The following CD2AP variants were observed in gnomAD, a reference collection of about 807,000 sequenced individuals.
The protein encoded by CD2AP is CD2 associated protein.
CD2AP carries 46 observed loss-of-function variants against 85.1 expected under a neutral mutation model. That is an observed-to-expected ratio of 0.54 (90% CI 0.43 to 0.69). CD2AP has a LOEUF of 0.69. Among genes scored for constraint, CD2AP ranks in the 30% least tolerant of loss-of-function variants. The pLI is 0.00. For missense variants in CD2AP, 769 were observed against 729.5 expected (o/e 1.05, Z -0.62); for synonymous variants, 255 against 252.9 (o/e 1.01, Z -0.08).
At chr6:47,585,800 A>C (rs1180867176) in intron 11 of CD2AP, among the ~76,000 whole-genome samples, 1 of 152,230 alleles carries the variant, frequency 6.6e-6, no homozygotes, top group African/African-American at 2.4e-5. Flanking sequence ...GTAACTCACA[A>C]ACAGTTCATT....
Position 47,592,803 on chromosome 6 carries a change from A to G in CD2AP, c.1109-3058A>G, listed in dbSNP as rs967238185. Reference sequence around the variant, plus strand: ...ACGGAAACTCTGCATCTCTTCCTGCATACCTTGCCTTTTGCATGTGTTCCA... The same window carrying G: ...ACGGAAACTCTGCATCTCTTCCTGCGTACCTTGCCTTTTGCATGTGTTCCA... On this transcript the variant is annotated intron_variant, in intron 11 of 17. Coordinates refer to ENST00000359314, the MANE Select transcript of CD2AP (RefSeq NM_012120.3). Among the ~76,000 whole-genome samples the G allele has an allele frequency of 2.0e-5, 3 of 152,246 alleles. No homozygotes were observed. In the South Asian group the frequency reaches 6.2e-4, roughly 32 times the overall value.
intron 11 of CD2AP, among the ~76,000 whole-genome samples, chr6:47,594,449 A>G (rs1477823724): frequency 6.6e-6 from 1 of 151,972 alleles, no homozygotes; most frequent in Non-Finnish European, 1.5e-5. Flanking sequence ...GACTAACACT[A>G]CAGAATTTCA....
At chr6:47,574,534 G>A (rs1482791337) in intron 6 of CD2AP, among the ~76,000 whole-genome samples, 1 of 147,988 alleles carries the variant, frequency 6.8e-6, no homozygotes, top group Non-Finnish European at 1.5e-5. Flanking sequence ...AAAATTAGAG[G>A]GTTTTTTGCC....
chr6:47,559,113 G>C (rs528692374), intron 5 of CD2AP, among the ~76,000 whole-genome samples: 30 of 152,274 alleles, frequency 2.0e-4, no homozygotes, highest in African/African-American at 7.2e-4. Context: ...TATTTGCGTA[G>C]AGGTGTTTAT....
intron 1 of CD2AP, among the ~76,000 whole-genome samples, chr6:47,488,709 A>G (rs1336363589): frequency 7.7e-6 from 1 of 129,108 alleles, no homozygotes. Context: ...CAACAAAGCA[A>G]GACTCCATCT....
chr6:47,517,897 G>A (rs545518387), intron 2 of CD2AP, among the ~76,000 whole-genome samples: 1 of 152,222 alleles, frequency 6.6e-6, no homozygotes, highest in East Asian at 1.9e-4. Context: ...GATGTATTAA[G>A]CGTTTAATCT....
chr6:47,521,731 A>C (rs1056059823), intron 2 of CD2AP, among the ~76,000 whole-genome samples: 1 of 151,872 alleles, frequency 6.6e-6, no homozygotes, highest in Non-Finnish European at 1.5e-5. Context: ...AAGATAACAC[A>C]TGAGATTTAA....
At chr6:47,593,019 C>A (rs1419959519) in intron 11 of CD2AP, among the ~76,000 whole-genome samples, 1 of 152,054 alleles carries the variant, frequency 6.6e-6, no homozygotes, top group Non-Finnish European at 1.5e-5. Context: ...TGGGAGCAGT[C>A]TTGTGGGTCT....
intron 1 of CD2AP, among the ~76,000 whole-genome samples, chr6:47,489,967 C>CTTTT (rs71684059): frequency 1.7e-4 from 21 of 121,684 alleles, no homozygotes; most frequent in South Asian, 1.0e-3. Context: ...TCTAAAGAGA[C>CTTTT]TTTTTTTTTT....
At chr6:47,515,849 T>A (rs1766437428) in intron 2 of CD2AP, among the ~76,000 whole-genome samples, 2 of 148,080 alleles carry the variant, frequency 1.4e-5, no homozygotes, top group South Asian at 4.3e-4. Flanking sequence ...TGGAAGTAAA[T>A]TTTTTTTTTT....
intron 2 of CD2AP, among the ~76,000 whole-genome samples, chr6:47,517,147 G>C (rs1295304259): frequency 6.6e-6 from 1 of 152,044 alleles, no homozygotes; most frequent in African/African-American, 2.4e-5. Flanking sequence ...TCTTTCTCTT[G>C]TTCCTGCTCT....
Position 47,547,791 on chromosome 6 carries a change from G to T in CD2AP, c.420+3085G>T, listed in dbSNP as rs1767406371. On this transcript the variant is annotated intron_variant, in intron 4 of 17. Coordinates refer to ENST00000359314, the MANE Select transcript of CD2AP (RefSeq NM_012120.3). ...ATGATAGGCCACAAAGTGAACCTCA[G>T]TAAATTTAAGAAAATTGAAATTATA... Among the ~76,000 whole-genome samples the T allele has an allele frequency of 2.0e-5, 3 of 151,922 alleles. No homozygotes were observed. The South Asian group carries it at 6.2e-4, about 31-fold the overall frequency.
intron 4 of CD2AP, among the ~76,000 whole-genome samples, chr6:47,549,273 G>T (rs1370761858): frequency 6.6e-6 from 1 of 152,062 alleles, no homozygotes; most frequent in Non-Finnish European, 1.5e-5. Context: ...GTCACTGTTT[G>T]CTGATGATAT....
intron 17 of CD2AP, among the ~76,000 whole-genome samples, chr6:47,622,659 C>A (rs1323605036): frequency 6.6e-6 from 1 of 152,232 alleles, no homozygotes; most frequent in East Asian, 1.9e-4. Context: ...CCCTTTCTCA[C>A]TTCCGCAGTT....
chr6:47,587,565 A>T (rs562900542), intron 11 of CD2AP, among the ~76,000 whole-genome samples: 13 of 152,140 alleles, frequency 8.5e-5, no homozygotes, highest in Non-Finnish European at 1.3e-4. Context: ...GAATGGTAAT[A>T]ATATTACCAC....
intron 2 of CD2AP, among the ~76,000 whole-genome samples, chr6:47,508,546 GTTTTTTTTTTTTT>G (rs59914741): frequency 2.2e-5 from 2 of 91,464 alleles, no homozygotes; most frequent in African/African-American, 7.7e-5. Context: ...TTTTTTTTTT[GTTTTTTTTTTTTT>G]TTTTGGGACG....
chr6:47,556,724 C>T (rs993701742), intron 5 of CD2AP, among the ~76,000 whole-genome samples: 5 of 152,212 alleles, frequency 3.3e-5, no homozygotes, highest in East Asian at 3.9e-4. Flanking sequence ...AATCTAACAT[C>T]GATTGGCATT....
chr6:47,611,365 CT>C (rs1198875721), intron 16 of CD2AP, among the ~76,000 whole-genome samples: 1 of 120,680 alleles, frequency 8.3e-6, no homozygotes, highest in East Asian at 2.0e-4. Context: ...TACTATAAAA[CT>C]TTTTCTATGG....
intron 13 of CD2AP, among the ~76,000 whole-genome samples, chr6:47,601,526 C>T (rs984107629): frequency 2.0e-5 from 3 of 151,864 alleles, no homozygotes; most frequent in African/African-American, 4.8e-5. Context: ...TATCCTCAGT[C>T]GTGTTTTAGG....
Sources: gnomAD v4.1 joint callset for allele counts (sites outside exome capture counted in the v4.1 genomes callset) on GRCh38, gnomAD v4.1.1 for gene constraint, MANE v1.5 for transcripts, NCBI Gene and HGNC (gene_info 2026-07-23, HGNC 2026-07-21) for gene names.